The following MCM3AP variants were observed in gnomAD, a reference collection of about 807,000 sequenced individuals.
The protein encoded by MCM3AP is germinal-center associated nuclear protein.
In MCM3AP, 126 loss-of-function variants were observed where a neutral mutation model predicts 184.1. The observed-to-expected ratio is 0.68, with a 90% confidence interval of 0.59 to 0.79. The LOEUF (loss-of-function observed/expected upper bound fraction) is 0.79, where lower values mean the gene tolerates loss of function less well. MCM3AP is among the 30% of genes least tolerant of loss of function. The pLI is 0.00. For synonymous variants in MCM3AP, 1,002 were observed against 979.3 expected (o/e 1.02, Z -0.43); for missense variants, 2,496 against 2,479.2 (o/e 1.01, Z -0.14).
chr21:46,243,868 G>C, intron 23 of MCM3AP, 146 bp from the exon 24 acceptor site: 1 of 764,798 alleles, frequency 1.3e-6, no homozygotes, highest in Non-Finnish European at 2.1e-6. Context: ...TGAGGGGGAA[G>C]AGCAGCTTGC....
Position 46,277,580 on chromosome 21 carries a change from G to A in MCM3AP, c.1805C>T (p.Thr602Ile). ...LSTLIGTVAETSKEKYRLLDQ... is the reference protein window; with the variant it reads ...LSTLIGTVAEISKEKYRLLDQ... ...AAGCAGGCGGTACTTCTCCTTGGAT[G>A]TCTCAGCCACAGTGCCTATCAGGGT... Residue 602 changes from threonine to isoleucine, a missense_variant, in exon 5 of 28, where the codon ACA (threonine) becomes ATA (isoleucine). Coordinates refer to ENST00000291688, the MANE Select transcript of MCM3AP (RefSeq NM_003906.5). 3.1e-6 allele frequency: 5 copies of A among 1,608,064 alleles called. No homozygotes were observed. Among genetic ancestry groups the A allele is most frequent in the East Asian group, 2.3e-5 (1 of 44,412 alleles).
intron 26 of MCM3AP, among the ~76,000 whole-genome samples, chr21:46,240,248 A>AT (rs1491164660): frequency 3.9e-5 from 6 of 152,170 alleles, no homozygotes; most frequent in African/African-American, 1.4e-4. Flanking sequence ...CAGGAAGGGG[A>AT]TATAGGGAGG....
chr21:46,282,561 T>C lies in MCM3AP; in HGVS notation c.1443+1054A>G, dbSNP rs548393867. 2.0e-5 allele frequency among the ~76,000 whole-genome samples: 3 copies of C among 152,188 alleles called. No individual in the cohort carries two copies. The East Asian group carries it at 5.8e-4, about 29-fold the overall frequency. ...GGCTCACGCCTGTAATCCCAGCACT[T>C]TGGGAGGCCGAGGCAGGCAGATCGT... is the stretch of plus-strand genomic sequence containing the variant. On this transcript the variant is annotated intron_variant, in intron 2 of 27. Coordinates refer to ENST00000291688, the MANE Select transcript of MCM3AP (RefSeq NM_003906.5).
chr21:46,243,953 G>A (rs974068258), intron 23 of MCM3AP, among the ~76,000 whole-genome samples: 1 of 152,318 alleles, frequency 6.6e-6, no homozygotes, highest in Middle Eastern at 3.4e-3. Context: ...CAGAAGTTCT[G>A]ACTGTACAGG....
chr21:46,260,228 G>A (rs1269778208), intron 15 of MCM3AP, among the ~76,000 whole-genome samples: 1 of 152,162 alleles, frequency 6.6e-6, no homozygotes, highest in Admixed American at 6.5e-5. Flanking sequence ...TAGGTCCATA[G>A]GGGCCCTCGT....
chr21:46,245,023 T>A lies in MCM3AP; in HGVS notation c.4822A>T (p.Ile1608Phe). 1 of 1,614,180 alleles carries A rather than the reference T, an allele frequency of 6.2e-7. No homozygotes were observed. The highest frequency in any genetic ancestry group is 1.1e-5 in the South Asian group (1 of 91,086). ...GGLASQEPGA[I>F]IELFNSVLQF... The stretch of plus-strand genomic sequence containing the variant: ...AGCACACTGTTAAACAGCTCAATGA[T>A]GGCGCCAGGCTCCTGAGAAGCAAGA... The change falls in exon 23 of 28, where the codon ATC (isoleucine) becomes TTC (phenylalanine). Residue 1608 changes from isoleucine to phenylalanine, a missense_variant. This residue lies in a region of MCM3AP where 1,323 missense variants were observed against 1,273.4 expected (regional missense o/e 1.04). Transcript: ENST00000291688.
chr21:46,282,093 C>T (rs988650677), intron 2 of MCM3AP, among the ~76,000 whole-genome samples: 2 of 151,256 alleles, frequency 1.3e-5, no homozygotes, highest in Non-Finnish European at 2.9e-5. Context: ...GCTTGAGGAC[C>T]GGAGTTCGAG....
intron 20 of MCM3AP, chr21:46,250,793 CATG>C (rs977469346): frequency 1.3e-5 from 2 of 152,204 alleles, no homozygotes; most frequent in East Asian, 1.9e-4. Flanking sequence ...CCACAGATAC[CATG>C]ATAACAGACA....
intron 5 of MCM3AP, among the ~76,000 whole-genome samples, chr21:46,277,060 T>C (rs538343020): frequency 2.0e-5 from 3 of 152,296 alleles, no homozygotes; most frequent in African/African-American, 7.2e-5. Context: ...CCGGCTGAAA[T>C]TTAAGAGAAA....
Position 46,273,467 on chromosome 21 carries a change from G to A in MCM3AP, c.2117C>T (p.Thr706Ile). 6.2e-7 allele frequency: 1 copy of A among 1,613,942 alleles called. No homozygotes were observed. Among genetic ancestry groups the A allele is most frequent in the African/African-American group, 1.3e-5 (1 of 75,054 alleles). The change falls in exon 7 of 28, where the codon ACC becomes ATC. Residue 706 changes from threonine to isoleucine, a missense_variant. Thr to Ile is a moderately conservative substitution (Grantham distance 89, BLOSUM62 -1). Transcript: ENST00000291688. ...VLSRTMDYLV[T>I]QIMDQKEGSL... ...GCCCTCCTTCTGGTCCATGATCTGG[G>A]TCACCAGGTAGTCCATGGTCCTGCT...
chr21:46,277,789 G>A (rs554956561), intron 4 of MCM3AP, 72 bp from the exon 5 acceptor site: 368 of 879,132 alleles, frequency 4.2e-4, no homozygotes, highest in Admixed American at 6.7e-4. Context: ...TTCTGAACAC[G>A]TCCCCTCATC....
At chr21:46,259,206 A>G in intron 15 of MCM3AP, 115 bp from the exon 16 acceptor site, 1 of 1,024,346 alleles carries the variant, frequency 9.8e-7, no homozygotes, top group East Asian at 2.5e-5. Context: ...CTGTAATCCC[A>G]GCACTTTGGA....
In MCM3AP at chr21:46,238,056, G is replaced by A. The variant is rs2080580151; in HGVS notation, c.5634-1077C>T. 3.0e-5 allele frequency among the ~76,000 whole-genome samples: 3 copies of A among 99,230 alleles called. 1 individual carries two copies. Among genetic ancestry groups the A allele is most frequent in the African/African-American group, 4.4e-5 (1 of 22,980 alleles). The allele number at this position is 99,230 out of a possible 152,430, so 65.1% of individuals were successfully genotyped here. On this transcript the variant is annotated intron_variant, in intron 26 of 27. Coordinates refer to ENST00000291688, the MANE Select transcript of MCM3AP (RefSeq NM_003906.5). ...CGGAGGTTGCAGTGAGCCAGATCAC[G>A]CCATTGCACTCCAGCCAGGGCAACA...
intron 22 of MCM3AP, 77 bp downstream of exon 22, chr21:46,246,230 T>C (rs1389288773): frequency 5.9e-5 from 51 of 868,914 alleles, no homozygotes; most frequent in Non-Finnish European, 1.8e-5. Flanking sequence ...AACGCTAATA[T>C]ACACTCAATT....
At chr21:46,278,512 G>A (rs1318344161) in intron 4 of MCM3AP, among the ~76,000 whole-genome samples, 2 of 152,190 alleles carry the variant, frequency 1.3e-5, no homozygotes, top group Non-Finnish European at 2.9e-5. Flanking sequence ...AGTAGGCCTG[G>A]TGTGAAAAGC....
At chr21:46,256,482 G>A (rs2080950490) in intron 17 of MCM3AP, 2 of 404,532 alleles carry the variant, frequency 4.9e-6, no homozygotes, top group African/African-American at 2.0e-5. Flanking sequence ...GAAGTGGCAG[G>A]TACTTAAACT....
intron 2 of MCM3AP, among the ~76,000 whole-genome samples, chr21:46,283,085 C>A (rs1306652012): frequency 6.6e-6 from 1 of 151,852 alleles, no homozygotes; most frequent in Admixed American, 6.6e-5. Flanking sequence ...GCCACCACAC[C>A]CAGCTAATTT....
Position 46,266,022 on chromosome 21 carries a change from G to A in MCM3AP, c.2934C>T (p.Thr978=). 6.2e-7 allele frequency: 1 copy of A among 1,611,942 alleles called. No homozygotes were observed. Among genetic ancestry groups the A allele is most frequent in the Non-Finnish European group, 8.5e-7 (1 of 1,179,080 alleles). The change falls in exon 11 of 28, where the codon ACC becomes ACT. Residue 978 remains threonine, a synonymous_variant. Transcript: ENST00000291688. ...GGPLPPVPRH[T]PVCSFNSQNK... ...TCTGGGAGTTGAAGCTGCACACAGG[G>A]GTATGACGAGGGACGGGGGGCAATG... is the stretch of plus-strand genomic sequence containing the variant.
chr21:46,280,784 C>T (rs1569082214), intron 2 of MCM3AP, among the ~76,000 whole-genome samples: 1 of 151,772 alleles, frequency 6.6e-6, no homozygotes, highest in Non-Finnish European at 1.5e-5. Flanking sequence ...CCTTACCTGT[C>T]TCACAAGCAT....
Sources: allele counts gnomAD v4.1 joint callset (sites outside exome capture counted in the v4.1 genomes callset), GRCh38; gene constraint gnomAD v4.1.1; regional missense constraint gnomAD v4.1.1; transcripts MANE v1.5; gene names NCBI Gene and HGNC (gene_info 2026-07-23, HGNC 2026-07-21).